SLC44A2: variants seen among roughly 807,000 people sequenced by gnomAD.
SLC44A2 encodes solute carrier family 44 member 2 (CTL2 blood group), also known as choline transporter-like protein 2.
Under a neutral mutation model 90.8 loss-of-function variants are expected in SLC44A2, and 57 were observed. That is an observed-to-expected ratio of 0.63 (90% CI 0.51 to 0.78). The LOEUF (loss-of-function observed/expected upper bound fraction) is 0.78. Among genes scored for constraint, SLC44A2 ranks in the 30% least tolerant of loss-of-function variants. The probability of loss-of-function intolerance (pLI) is 0.00; values close to 1 mark genes in which losing one functional copy is unlikely to be tolerated. For synonymous variants in SLC44A2, 355 were observed against 360.7 expected, an observed-to-expected ratio of 0.98 and a Z score of 0.18; for missense variants, 794 against 919.7, an observed-to-expected ratio of 0.86 and a Z score of 1.77.
chr19:10,626,168 CT>C (rs2066931126), intron 1 of SLC44A2, 84 bp from the exon 2 acceptor site: 3 of 1,120,016 alleles, frequency 2.7e-6, no homozygotes, highest in Non-Finnish European at 4.1e-6. Context: ...AAAGACACCC[CT>C]AGGGGCTTTT....
At chr19:10,605,510 G>A (rs1231921476) in intron 1 of SLC44A2, among the ~76,000 whole-genome samples, 1 of 150,924 alleles carries the variant, frequency 6.6e-6, no homozygotes, top group Non-Finnish European at 1.5e-5. Flanking sequence ...GTGAAATTCA[G>A]TCTCGAAATA....
chr19:10,602,520 C>T (rs1917989569), exon 1 of SLC44A2: 3 of 1,272,990 alleles, frequency 2.4e-6, no homozygotes, highest in African/African-American at 1.6e-5. Flanking sequence ...GCTCCCCGCC[C>T]CGCCGCGGCC....
chr19:10,627,643 G>A (rs2066947818), intron 2 of SLC44A2, 79 bp from the exon 3 acceptor site: 3 of 1,449,818 alleles, frequency 2.1e-6, no homozygotes, highest in Admixed American at 1.7e-5. Context: ...ACATGGATGA[G>A]GGTGTTTGCA....
intron 20 of SLC44A2, chr19:10,641,404 CA>C (rs749092883): frequency 6.0e-4 from 224 of 372,290 alleles, no homozygotes; most frequent in Middle Eastern, 1.9e-3. Context: ...AAAAAAAAAA[CA>C]AAAAAAAAAC....
In SLC44A2 at chr19:10,629,733, C is replaced by T. The variant is rs188978110; in HGVS notation, c.246-1324C>T. On this transcript the variant is annotated intron_variant, in intron 4 of 21. Coordinates refer to ENST00000335757, the MANE Select transcript of SLC44A2 (RefSeq NM_020428.4). Reference sequence around the variant, plus strand: ...GCTGGCACAAGACAGGCCTGAGCCACCCTGCCTGGCCCTATATAAGATATC... The same window carrying T: ...GCTGGCACAAGACAGGCCTGAGCCATCCTGCCTGGCCCTATATAAGATATC... Among the ~76,000 whole-genome samples, 867 of 151,200 alleles carry T rather than the reference C, an allele frequency of 5.7e-3. 5 individuals are homozygous for T. The highest frequency in any genetic ancestry group is 0.02 in the African/African-American group (830 of 40,768).
At chr19:10,628,067 C>A in intron 4 of SLC44A2, 63 bp downstream of exon 4, 1 of 1,407,694 alleles carries the variant, frequency 7.1e-7, no homozygotes, top group Non-Finnish European at 9.9e-7. Flanking sequence ...TCTAGGCATT[C>A]CCCATCTCTC....
intron 1 of SLC44A2, among the ~76,000 whole-genome samples, chr19:10,613,741 G>A (rs374645209): frequency 2.0e-5 from 3 of 151,468 alleles, no homozygotes; most frequent in Admixed American, 6.6e-5. Context: ...CGACGGAAGC[G>A]AGGTGGGTTT....
chr19:10,630,520 C>A (rs1274672281), intron 4 of SLC44A2, among the ~76,000 whole-genome samples: 1 of 150,756 alleles, frequency 6.6e-6, no homozygotes, highest in Admixed American at 6.6e-5. Context: ...AGCTGGGCAT[C>A]GTGGCGGGCA....
chr19:10,617,297 TCA>T (rs1224142045), intron 1 of SLC44A2, among the ~76,000 whole-genome samples: 1 of 152,154 alleles, frequency 6.6e-6, no homozygotes, highest in African/African-American at 2.4e-5. Context: ...GATTAGGCTC[TCA>T]GGGCAGAAAC....
chr19:10,603,006 AG>A (rs1918005264), intron 1 of SLC44A2, among the ~76,000 whole-genome samples: 1 of 152,124 alleles, frequency 6.6e-6, no homozygotes, highest in Non-Finnish European at 1.5e-5. Context: ...GGGGAAACTG[AG>A]GCAAGACTGG....
At chr19:10,606,822 T>C (rs1918117007) in intron 1 of SLC44A2, among the ~76,000 whole-genome samples, 1 of 149,694 alleles carries the variant, frequency 6.7e-6, no homozygotes, top group African/African-American at 2.4e-5. Flanking sequence ...AAAAAATAAT[T>C]ATATACATAT....
chr19:10,603,789 C>G (rs1192698872), intron 1 of SLC44A2, among the ~76,000 whole-genome samples: 1 of 152,224 alleles, frequency 6.6e-6, no homozygotes, highest in Admixed American at 6.5e-5. Flanking sequence ...GTGTGGCAGG[C>G]TGTCTCTGAC....
chr19:10,636,383 T>C lies in SLC44A2; in HGVS notation c.1294T>C (p.Tyr432His). Residue 432 changes from tyrosine (Y) to histidine (H), a missense_variant, in exon 15 of 22, where the codon TAC (tyrosine) becomes CAC (histidine). Around this residue, in one of 3 missense-constraint regions of SLC44A2, gnomAD observed 738 missense variants for 841.1 expected, o/e 0.88. Transcript: ENST00000335757. ...CPNARCQFAF[Y>H]GGESGYHRAL... ...CAATGCCCGTTGCCAGTTCGCCTTC[T>C]ACGGTGGTGAGTCGGGCTACCACCG... 1 of 1,614,016 alleles carries C rather than the reference T, an allele frequency of 6.2e-7. No individual in the cohort carries two copies. Among genetic ancestry groups the C allele is most frequent in the Non-Finnish European group, 8.5e-7 (1 of 1,179,996 alleles).
chr19:10,638,391 T>C, intron 20 of SLC44A2, 76 bp downstream of exon 20: 1 of 1,312,436 alleles, frequency 7.6e-7, no homozygotes, highest in South Asian at 1.2e-5. Context: ...TTTGACTAGA[T>C]AAATGTGGAT....
chr19:10,614,261 C>T (rs2066837367), intron 1 of SLC44A2, among the ~76,000 whole-genome samples: 1 of 152,060 alleles, frequency 6.6e-6, no homozygotes, highest in Admixed American at 6.6e-5. Flanking sequence ...GCCACCGCAC[C>T]CGTCCATAAA....
At position 10,642,368 on chromosome 19, in the gene SLC44A2, C is replaced by T. The variant is rs764490981; in HGVS notation, c.1931C>T (p.Thr644Met). The change falls in exon 21 of 22, where the codon ACG (threonine) becomes ATG (methionine). Residue 644 changes from threonine (T) to methionine (M), a missense_variant and splice_region_variant. Coordinates refer to ENST00000335757, the MANE Select transcript of SLC44A2 (RefSeq NM_020428.4). The stretch of plus-strand genomic sequence containing the variant: ...GACAGCTCGTTTCTCCTTGCCCAGA[C>T]GGTGATCGTTGGCTCCTACTTGATT... Reference protein sequence around the residue: ...PLNYYWVPILTVIVGSYLIAH... With the variant: ...PLNYYWVPILMVIVGSYLIAH... 2.7e-5 allele frequency: 44 copies of T among 1,613,892 alleles called. No homozygotes were observed. Among genetic ancestry groups the T allele is most frequent in the South Asian group, 1.8e-4 (16 of 91,084 alleles).
At chr19:10,606,077 C>T (rs1451356883) in intron 1 of SLC44A2, among the ~76,000 whole-genome samples, 4 of 151,888 alleles carry the variant, frequency 2.6e-5, no homozygotes, top group Admixed American at 2.0e-4. Flanking sequence ...GTGGGAGGAT[C>T]GCTTGAGCCC....
At chr19:10,615,381 C>T (rs539418890) in intron 1 of SLC44A2, among the ~76,000 whole-genome samples, 48 of 152,098 alleles carry the variant, frequency 3.2e-4, no homozygotes, top group Admixed American at 9.2e-4. Context: ...TGAGACCAGC[C>T]TGGCCAACAT....
upstream of SLC44A2, among the ~76,000 whole-genome samples, chr19:10,621,436 T>TG (rs1436576312): frequency 3.5e-5 from 5 of 143,406 alleles, no homozygotes; most frequent in African/African-American, 5.2e-5. Flanking sequence ...TTTTTTTTTT[T>TG]TTTTTGGTTT....
Sources: gnomAD v4.1 joint callset for allele counts (sites outside exome capture counted in the v4.1 genomes callset) on GRCh38, gnomAD v4.1.1 for gene constraint, gnomAD v4.1.1 regional missense constraint, MANE v1.5 for transcripts, NCBI Gene and HGNC (gene_info 2026-07-23, HGNC 2026-07-21) for gene names.